DIAPH2: variants seen among roughly 807,000 people sequenced by gnomAD.
DIAPH2 encodes protein diaphanous homolog 2.
DIAPH2 carries 35 observed loss-of-function variants against 92.7 expected under a neutral mutation model. That is an observed-to-expected ratio of 0.38 (90% CI 0.29 to 0.50). The LOEUF (loss-of-function observed/expected upper bound fraction) is 0.50. Ranked by LOEUF, DIAPH2 falls within the 20% of genes least tolerant of loss-of-function variation. The pLI is 0.94. For missense variants in DIAPH2, 701 were observed against 819.5 expected, an observed-to-expected ratio of 0.86 and a Z score of 1.77; for synonymous variants, 301 against 280.4, an observed-to-expected ratio of 1.07 and a Z score of -0.73.
intron 4 of DIAPH2, among the ~76,000 whole-genome samples, chrX:96,873,217 T>C (rs1354317024): frequency 8.9e-6 from 1 of 111,887 alleles, no homozygotes; most frequent in East Asian, 2.8e-4. Context: ...GTTTGTCCTT[T>C]GTATGTCTTC....
chrX:96,816,678 A>T (rs1327651853), intron 4 of DIAPH2, among the ~76,000 whole-genome samples: 1 of 112,039 alleles, frequency 8.9e-6, no homozygotes, highest in Non-Finnish European at 1.9e-5. Flanking sequence ...TTCCTCCAAA[A>T]ATTTAAAATT....
At chrX:97,129,405 TCCAC>T (rs1183553600) in intron 21 of DIAPH2, among the ~76,000 whole-genome samples, 1 of 109,883 alleles carries the variant, frequency 9.1e-6, no homozygotes, top group Non-Finnish European at 1.9e-5. Context: ...GACCGCGTGA[TCCAC>T]CCACCTCGGC....
chrX:96,769,873 G>C (rs1453458085), intron 4 of DIAPH2, among the ~76,000 whole-genome samples: 1 of 112,095 alleles, frequency 8.9e-6, no homozygotes, highest in Non-Finnish European at 1.9e-5. Context: ...GGCTGACAAT[G>C]AAGGTAATAC....
intron 23 of DIAPH2, among the ~76,000 whole-genome samples, chrX:97,305,193 C>A (rs1265252808): frequency 1.8e-5 from 2 of 112,006 alleles, no homozygotes; most frequent in African/African-American, 6.5e-5. Flanking sequence ...GAGAAAATAG[C>A]CAAAGATTGA....
rs1438127858 is a variant in DIAPH2 at position 97,569,606 on chromosome X, A to T, written c.3242-29647A>T. ...GGCCCATCAAAATGCAGATTATAGG[A>T]TCCGGTGAACTTTTCCTTACCAAAT... On this transcript the variant is annotated intron_variant, in intron 26 of 26. Coordinates refer to ENST00000324765, the MANE Select transcript of DIAPH2 (RefSeq NM_006729.5). Among the ~76,000 whole-genome samples the T allele has an allele frequency of 2.7e-5, 3 of 110,973 alleles. No homozygotes were observed. The East Asian group carries it at 8.5e-4, about 31-fold the overall frequency.
intron 4 of DIAPH2, among the ~76,000 whole-genome samples, chrX:96,861,168 G>C (rs1026851453): frequency 1.8e-5 from 2 of 111,260 alleles, no homozygotes; most frequent in Non-Finnish European, 3.8e-5. Context: ...TAAGATAGAA[G>C]GGCTGTGATA....
At chrX:96,975,847 G>T (rs1035917120) in intron 17 of DIAPH2, among the ~76,000 whole-genome samples, 1 of 111,232 alleles carries the variant, frequency 9.0e-6, no homozygotes, top group African/African-American at 3.3e-5. Flanking sequence ...TGAAGGCTCT[G>T]CCCTCGTGAC....
At chrX:97,330,516 C>CTT (rs750951678) in intron 23 of DIAPH2, among the ~76,000 whole-genome samples, 1,351 of 100,993 alleles carry the variant, frequency 0.013, 22 homozygotes, top group African/African-American at 0.044. Flanking sequence ...TTCTTTCTTT[C>CTT]TTTTTTTTTT....
At chrX:96,840,111 T>C (rs1406516132) in intron 4 of DIAPH2, among the ~76,000 whole-genome samples, 1 of 112,530 alleles carries the variant, frequency 8.9e-6, no homozygotes, top group African/African-American at 3.2e-5. Context: ...TATATCTTTT[T>C]ATTAACTCTC....
At chrX:97,527,687 T>C (rs1222466571) in intron 26 of DIAPH2, among the ~76,000 whole-genome samples, 4 of 111,946 alleles carry the variant, frequency 3.6e-5, no homozygotes, top group African/African-American at 1.3e-4. Flanking sequence ...ACAAAAGCAA[T>C]AACGTTGAAT....
chrX:97,075,120 A>AGG (rs759214445), intron 18 of DIAPH2, 47 bp from the exon 19 acceptor site: 1 of 855,525 alleles, frequency 1.2e-6, no homozygotes, highest in African/African-American at 2.1e-5. Flanking sequence ...TAGGACTTTA[A>AGG]CATGTTGATG....
At position 97,596,551 on chromosome X, in the gene DIAPH2, G is replaced by A. The variant is rs138462194; in HGVS notation, c.3242-2702G>A. On this transcript the variant is annotated intron_variant, in intron 26 of 26. Transcript: ENST00000324765. Reference sequence around the variant, plus strand: ...TAGAAAAGTGAATTGGATTCAGGCTGGGTCTCATGGAGCTCTCAGATCATA... The same window carrying A: ...TAGAAAAGTGAATTGGATTCAGGCTAGGTCTCATGGAGCTCTCAGATCATA... 4.2e-3 allele frequency among the ~76,000 whole-genome samples: 469 copies of A among 111,747 alleles called. 4 individuals are homozygous for A. The highest frequency in any genetic ancestry group is 0.015 in the South Asian group (41 of 2,655).
intron 25 of DIAPH2, 46 bp downstream of exon 25, chrX:97,384,090 A>T: frequency 9.9e-7 from 1 of 1,005,316 alleles, no homozygotes; most frequent in Non-Finnish European, 1.4e-6. Flanking sequence ...GAAGTACAAA[A>T]TAATTGCAGT....
At chrX:96,920,939 G>T (rs2065538436) in intron 9 of DIAPH2, among the ~76,000 whole-genome samples, 1 of 111,972 alleles carries the variant, frequency 8.9e-6, no homozygotes, top group Non-Finnish European at 1.9e-5. Context: ...TGTTTATTTA[G>T]ACTATTTAAT....
chrX:96,945,640 A>AT (rs748709459), intron 14 of DIAPH2, 49 bp downstream of exon 14: 3 of 859,289 alleles, frequency 3.5e-6, no homozygotes, highest in Non-Finnish European at 4.8e-6. Context: ...TAATTTAATC[A>AT]CAGTAATACT....
At chrX:96,758,600 G>T (rs191753390) in intron 4 of DIAPH2, among the ~76,000 whole-genome samples, 2,084 of 111,749 alleles carry the variant, frequency 0.019, 25 homozygotes, top group Non-Finnish European at 0.03. Flanking sequence ...TTCGGATTTT[G>T]AAGAAGGTAC....
chrX:97,593,338 T>C (rs776741725), intron 26 of DIAPH2, among the ~76,000 whole-genome samples: 1 of 111,225 alleles, frequency 9.0e-6, no homozygotes, highest in South Asian at 3.8e-4. Context: ...TGAATCATTA[T>C]AGAAATTCAT....
intron 22 of DIAPH2, among the ~76,000 whole-genome samples, chrX:97,238,133 T>G (rs1180058607): frequency 5.3e-5 from 6 of 112,319 alleles, no homozygotes; most frequent in Non-Finnish European, 1.1e-4. Flanking sequence ...TGTCCACTAC[T>G]GTTGGTTTGG....
intron 24 of DIAPH2, among the ~76,000 whole-genome samples, chrX:97,357,180 G>A (rs1182720911): frequency 1.8e-5 from 2 of 111,528 alleles, no homozygotes; most frequent in African/African-American, 6.5e-5. Flanking sequence ...TGGTATACAA[G>A]CTGACCTTTT....
Sources: gnomAD v4.1 joint callset for allele counts (sites outside exome capture counted in the v4.1 genomes callset) on GRCh38, gnomAD v4.1.1 for gene constraint, MANE v1.5 for transcripts, NCBI Gene and HGNC (gene_info 2026-07-23, HGNC 2026-07-21) for gene names.